Variants in PLCL1 observed in about 807,000 individuals in gnomAD.
PLCL1 encodes inactive phospholipase C-like protein 1.
A neutral mutation model predicts 84.4 loss-of-function variants in PLCL1; 41 were observed. The ratio of observed to expected loss-of-function variants is 0.49; its 90% CI spans 0.38 to 0.63. PLCL1 has a LOEUF of 0.63. PLCL1 is among the 30% of genes least tolerant of loss of function. The pLI is 0.00. For synonymous variants in PLCL1, 490 were observed against 488.3 expected, an observed-to-expected ratio of 1.00 and a Z score of -0.05; for missense variants, 1,206 against 1,367.8, an observed-to-expected ratio of 0.88 and a Z score of 1.87.
chr2:197,903,889 G>A (rs964312117), intron 1 of PLCL1, among the ~76,000 whole-genome samples: 1 of 144,892 alleles, frequency 6.9e-6, no homozygotes, highest in African/African-American at 2.6e-5. Flanking sequence ...TGCAATCTCC[G>A]CCTCCTGGGT....
In PLCL1 at chr2:197,922,656, CCCCCACCT is replaced by C. The variant is rs1688728618; in HGVS notation, c.240+117321_240+117328del. Among the ~76,000 whole-genome samples, 2 of 133,154 alleles carry C rather than the reference CCCCCACCT, an allele frequency of 1.5e-5. 1 individual carries two copies. The highest frequency in any genetic ancestry group is 1.5e-4 in the Admixed American group (2 of 13,432). The allele number at this position is 133,154 out of a possible 152,430, so 87.4% of individuals were successfully genotyped here. On this transcript the variant is annotated intron_variant, in intron 1 of 5. Transcript: ENST00000428675. The stretch of plus-strand genomic sequence containing the variant: ...CGGGCAGGGGGCTGACCCCCCCACC[CCCCCACCT>C]CCCTCCCGGACGGGGCGGCTGGCTG...
At chr2:198,047,573 G>A (rs952217233) in intron 1 of PLCL1, among the ~76,000 whole-genome samples, 1 of 152,156 alleles carries the variant, frequency 6.6e-6, no homozygotes, top group African/African-American at 2.4e-5. Context: ...ATAGGACCTA[G>A]GTAGGGAGGC....
At chr2:198,070,497 C>A (rs1022173541) in intron 1 of PLCL1, among the ~76,000 whole-genome samples, 1 of 151,990 alleles carries the variant, frequency 6.6e-6, no homozygotes, top group African/African-American at 2.4e-5. Context: ...TTTGGACATT[C>A]TTTTCACCAC....
At chr2:197,962,837 T>C (rs192614240) in intron 1 of PLCL1, among the ~76,000 whole-genome samples, 105 of 152,204 alleles carry the variant, frequency 6.9e-4, no homozygotes, top group Admixed American at 2.3e-3. Context: ...CATGCAAAAT[T>C]TGTCATTCTG....
At chr2:198,139,640 T>G (rs1428172558) in intron 5 of PLCL1, among the ~76,000 whole-genome samples, 3 of 152,212 alleles carry the variant, frequency 2.0e-5, no homozygotes, top group Non-Finnish European at 4.4e-5. Context: ...ATCTATGAAT[T>G]TAAGTTTATG....
At chr2:198,144,906 C>T (rs1694481064) in intron 5 of PLCL1, among the ~76,000 whole-genome samples, 1 of 152,188 alleles carries the variant, frequency 6.6e-6, no homozygotes, top group African/African-American at 2.4e-5. Context: ...AAACCACAGA[C>T]CCCGGAGCCA....
At chr2:197,834,728 G>A (rs149113294) in intron 1 of PLCL1, among the ~76,000 whole-genome samples, 1 of 152,202 alleles carries the variant, frequency 6.6e-6, no homozygotes, top group East Asian at 1.9e-4. Flanking sequence ...AACCATTGTG[G>A]AAGACAGTGT....
At chr2:198,144,625 G>A (rs1308708445) in intron 5 of PLCL1, among the ~76,000 whole-genome samples, 1 of 152,080 alleles carries the variant, frequency 6.6e-6, no homozygotes, top group African/African-American at 2.4e-5. Flanking sequence ...AAGGCTGAAG[G>A]ATATTTTCAT....
Position 198,084,160 on chromosome 2 carries a change from G to A in PLCL1, c.643G>A (p.Val215Met). The change falls in exon 2 of 6, where the codon GTG (valine) becomes ATG (methionine). Residue 215 changes from valine to methionine, a missense_variant. By Grantham distance (21) the Val-to-Met change is conservative. Transcript: ENST00000428675. ...TTCAGCAGATGTGGCAAACATCTGGGTGTCTGGGTTACGGTACCTGGTTTC... is the reference window on the plus strand; with the variant it reads ...TTCAGCAGATGTGGCAAACATCTGGATGTCTGGGTTACGGTACCTGGTTTC... The part of the protein sequence containing the change: ...ANSADVANIW[V>M]SGLRYLVSRS... 6.2e-7 allele frequency: 1 copy of A among 1,614,156 alleles called. No homozygotes were observed. The highest frequency in any genetic ancestry group is 8.5e-7 in the Non-Finnish European group (1 of 1,180,018).
intron 1 of PLCL1, among the ~76,000 whole-genome samples, chr2:197,963,955 G>T (rs1051289517): frequency 6.6e-6 from 1 of 151,952 alleles, no homozygotes; most frequent in African/African-American, 2.4e-5. Context: ...CTATGTATCT[G>T]TTTTTAAAAC....
At chr2:198,077,718 T>G (rs1054612524) in intron 1 of PLCL1, among the ~76,000 whole-genome samples, 1 of 152,132 alleles carries the variant, frequency 6.6e-6, no homozygotes. Flanking sequence ...TATCCAACTT[T>G]CCATTGGGCA....
At chr2:197,892,732 C>T (rs1688054202) in intron 1 of PLCL1, among the ~76,000 whole-genome samples, 1 of 152,142 alleles carries the variant, frequency 6.6e-6, no homozygotes, top group Admixed American at 6.5e-5. Context: ...TGGTGGCTCA[C>T]ACCTGTAATC....
At chr2:197,897,149 T>C (rs900198527) in intron 1 of PLCL1, among the ~76,000 whole-genome samples, 334 of 32,436 alleles carry the variant, frequency 0.01, 1 homozygote, top group African/African-American at 0.044. Flanking sequence ...TTCTTCTTCT[T>C]CTTCTTCTTC....
chr2:197,978,530 A>G (rs767339166), intron 1 of PLCL1, among the ~76,000 whole-genome samples: 1 of 152,232 alleles, frequency 6.6e-6, no homozygotes, highest in Non-Finnish European at 1.5e-5. Flanking sequence ...TTCCTAAGGC[A>G]TATTTCTGGC....
rs554391162 is a variant in PLCL1 at position 198,003,072 on chromosome 2, A to G, written c.241-80686A>G. On this transcript the variant is annotated intron_variant, in intron 1 of 5. Coordinates refer to ENST00000428675, the MANE Select transcript of PLCL1 (RefSeq NM_006226.4). ...GTACTGTCCGCCCTTCTAGATTTAG[A>G]GGTTGTTAGATACTCTGTATTTATA... Among the ~76,000 whole-genome samples, 6 of 152,104 alleles carry G rather than the reference A, an allele frequency of 3.9e-5. No homozygotes were observed. The East Asian group carries it at 1.2e-3, about 29-fold the overall frequency.
In PLCL1 at chr2:197,985,469, GTGAA is replaced by G. The variant is rs370072903; in HGVS notation, c.241-98287_241-98284del. Among the ~76,000 whole-genome samples the G allele has an allele frequency of 2.2e-4, 33 of 152,272 alleles. 1 individual carries two copies. The highest frequency in any genetic ancestry group is 7.5e-4 in the African/African-American group (31 of 41,542). On this transcript the variant is annotated intron_variant, in intron 1 of 5. Transcript: ENST00000428675. ...TACAGCTCACTTCATATAGGATGAA[GTGAA>G]TAAATAGTCTAAGCCAGAGGAGTTG... is the stretch of plus-strand genomic sequence containing the variant.
chr2:197,828,179 G>C (rs952723586), intron 1 of PLCL1, among the ~76,000 whole-genome samples: 4 of 152,004 alleles, frequency 2.6e-5, no homozygotes, highest in African/African-American at 9.7e-5. Flanking sequence ...GTAAATATCA[G>C]TATTTCACTG....
chr2:197,920,557 G>C (rs1559045240), intron 1 of PLCL1, among the ~76,000 whole-genome samples: 2 of 152,204 alleles, frequency 1.3e-5, no homozygotes, highest in African/African-American at 4.8e-5. Context: ...TTAATGGAAT[G>C]ATTGCAAAAT....
At chr2:197,917,714 TATG>T (rs1330355516) in intron 1 of PLCL1, among the ~76,000 whole-genome samples, 1 of 152,052 alleles carries the variant, frequency 6.6e-6, no homozygotes, top group Non-Finnish European at 1.5e-5. Flanking sequence ...CAAGGCTCCT[TATG>T]TAAGTGGATG....
Sources: allele counts gnomAD v4.1 joint callset (sites outside exome capture counted in the v4.1 genomes callset), GRCh38; gene constraint gnomAD v4.1.1; transcripts MANE v1.5; gene names NCBI Gene and HGNC (gene_info 2026-07-23, HGNC 2026-07-21).